Variants in MDGA2 observed in about 807,000 individuals in gnomAD.
The protein encoded by MDGA2 is MAM domain-containing glycosylphosphatidylinositol anchor protein 2.
Under a neutral mutation model 117.8 loss-of-function variants are expected in MDGA2, and 40 were observed. That is an observed-to-expected ratio of 0.34 (90% CI 0.26 to 0.44). The LOEUF (loss-of-function observed/expected upper bound fraction) is 0.44, where lower values mean the gene tolerates loss of function less well. Among genes scored for constraint, MDGA2 ranks in the 20% least tolerant of loss-of-function variants. The pLI is 1.00. For synonymous variants in MDGA2, 452 were observed against 439.0 expected, an observed-to-expected ratio of 1.03 and a Z score of -0.37; for missense variants, 1,123 against 1,250.6, an observed-to-expected ratio of 0.90 and a Z score of 1.54.
intron 4 of MDGA2, among the ~76,000 whole-genome samples, chr14:47,143,341 T>G (rs1293932621): frequency 6.6e-6 from 1 of 152,190 alleles, no homozygotes; most frequent in Admixed American, 6.5e-5. Flanking sequence ...GTCCAAATTT[T>G]TTTTTATTTA....
chr14:47,359,119 G>A (rs1316014154), intron 1 of MDGA2, among the ~76,000 whole-genome samples: 1 of 152,164 alleles, frequency 6.6e-6, no homozygotes, highest in African/African-American at 2.4e-5. Flanking sequence ...ACTTTGGGAG[G>A]CCAAGGCAGG....
At chr14:47,502,884 G>T (rs1594889728) in intron 1 of MDGA2, among the ~76,000 whole-genome samples, 2 of 152,106 alleles carry the variant, frequency 1.3e-5, no homozygotes, top group South Asian at 4.2e-4. Context: ...GTCTGGCTTT[G>T]TTGCCCAGGC....
intron 7 of MDGA2, among the ~76,000 whole-genome samples, chr14:47,047,212 T>A (rs1048238872): frequency 2.0e-5 from 3 of 152,108 alleles, no homozygotes; most frequent in Non-Finnish European, 4.4e-5. Flanking sequence ...AGGATTTTTT[T>A]AATAACCATG....
intron 1 of MDGA2, among the ~76,000 whole-genome samples, chr14:47,574,396 T>A (rs534270602): frequency 6.6e-6 from 1 of 152,188 alleles, no homozygotes; most frequent in South Asian, 2.1e-4. Context: ...CAACGGAACT[T>A]TCATATGCTT....
intron 5 of MDGA2, among the ~76,000 whole-genome samples, chr14:47,112,184 G>C (rs1000479130): frequency 6.6e-6 from 1 of 152,126 alleles, no homozygotes; most frequent in Non-Finnish European, 1.5e-5. Context: ...AAGAGAAAGA[G>C]TGAGGAGAAA....
At chr14:47,529,679 T>C (rs957132180) in intron 1 of MDGA2, among the ~76,000 whole-genome samples, 3 of 152,212 alleles carry the variant, frequency 2.0e-5, no homozygotes, top group Admixed American at 2.0e-4. Flanking sequence ...AATTGCTGAA[T>C]TATTTTATTT....
chr14:47,390,329 C>T (rs1394174741), intron 1 of MDGA2, among the ~76,000 whole-genome samples: 1 of 152,126 alleles, frequency 6.6e-6, no homozygotes, highest in Non-Finnish European at 1.5e-5. Context: ...AGGGAAGTAA[C>T]TTTTTGAAAT....
chr14:47,163,551 C>T (rs541390968), intron 3 of MDGA2, among the ~76,000 whole-genome samples: 18 of 152,224 alleles, frequency 1.2e-4, no homozygotes, highest in Admixed American at 3.9e-4. Flanking sequence ...ATATGACATG[C>T]TCCTCCTTGC....
At chr14:47,454,701 G>A (rs1160433169) in intron 1 of MDGA2, among the ~76,000 whole-genome samples, 4 of 152,120 alleles carry the variant, frequency 2.6e-5, no homozygotes, top group African/African-American at 7.2e-5. Flanking sequence ...GTTAGCTTAT[G>A]GGCACCTATT....
At chr14:47,583,392 C>T (rs1423541434) in intron 1 of MDGA2, among the ~76,000 whole-genome samples, 2 of 151,814 alleles carry the variant, frequency 1.3e-5, no homozygotes, top group African/African-American at 4.8e-5. Flanking sequence ...GCCTTTGATT[C>T]ACCTTGACAA....
In MDGA2 at chr14:46,884,932, C is replaced by T. The variant is rs1462111984; in HGVS notation, c.2239-2711G>A. On this transcript the variant is annotated intron_variant, in intron 10 of 16. Coordinates refer to ENST00000399232, the MANE Select transcript of MDGA2 (RefSeq NM_001113498.3). This position sits in a 1 kb window ranked among gnomAD's most constrained non-coding sequence, Gnocchi z 4.1. ...TGCTATCTCGGCTCACTGCAACCTC[C>T]GCCTCCAGGATTCAAGCAATTCTCC... 2.0e-5 allele frequency among the ~76,000 whole-genome samples: 3 copies of T among 151,842 alleles called. No homozygotes were observed. Among genetic ancestry groups the T allele is most frequent in the South Asian group, 2.1e-4 (1 of 4,810 alleles).
chr14:47,197,676 CAAG>C (rs1019029046), intron 3 of MDGA2, among the ~76,000 whole-genome samples: 1 of 152,014 alleles, frequency 6.6e-6, no homozygotes, highest in African/African-American at 2.4e-5. Flanking sequence ...TTTGAGAGGC[CAAG>C]GAGGGTGGAT....
chr14:47,076,010 CA>C (rs1004347114), intron 6 of MDGA2, among the ~76,000 whole-genome samples: 54 of 151,898 alleles, frequency 3.6e-4, no homozygotes, highest in African/African-American at 1.1e-3. Context: ...CGAATACTCA[CA>C]AAAAAACCCA....
At chr14:47,578,057 G>C (rs1566524359) in intron 1 of MDGA2, among the ~76,000 whole-genome samples, 1 of 152,150 alleles carries the variant, frequency 6.6e-6, no homozygotes, top group Non-Finnish European at 1.5e-5. Context: ...AGAAAAAGCA[G>C]TATATATACA....
intron 1 of MDGA2, among the ~76,000 whole-genome samples, chr14:47,358,019 C>A (rs901662205): frequency 6.6e-5 from 10 of 152,154 alleles, no homozygotes; most frequent in African/African-American, 2.4e-4. Flanking sequence ...TGCCTACTTG[C>A]AACTGTTGCA....
chr14:47,538,747 A>G (rs1482144429), intron 1 of MDGA2, among the ~76,000 whole-genome samples: 2 of 152,148 alleles, frequency 1.3e-5, no homozygotes, highest in Non-Finnish European at 2.9e-5. Context: ...TGAAAGGTAA[A>G]AATCCCCTTG....
chr14:47,183,059 T>C (rs982345635), intron 3 of MDGA2, among the ~76,000 whole-genome samples: 1 of 152,256 alleles, frequency 6.6e-6, no homozygotes, highest in East Asian at 1.9e-4. Context: ...GACACATACA[T>C]TTGGTTGTTT....
chr14:47,524,928 CCTTCAAGTTA>C (rs1288659500), intron 1 of MDGA2, among the ~76,000 whole-genome samples: 2 of 152,170 alleles, frequency 1.3e-5, no homozygotes, highest in African/African-American at 4.8e-5. Flanking sequence ...AATTATTTAA[CCTTCAAGTTA>C]CAAGGAGTCT....
intron 2 of MDGA2, among the ~76,000 whole-genome samples, chr14:47,228,461 A>G (rs1886582071): frequency 1.3e-5 from 2 of 152,218 alleles, no homozygotes; most frequent in African/African-American, 4.8e-5. Flanking sequence ...TCAATAAATT[A>G]CAGTAGATAC....
Sources: allele counts gnomAD v4.1 joint callset (sites outside exome capture counted in the v4.1 genomes callset), GRCh38; gene constraint gnomAD v4.1.1; non-coding constraint Gnocchi (gnomAD v3.1); transcripts MANE v1.5; gene names NCBI Gene and HGNC (gene_info 2026-07-23, HGNC 2026-07-21).